The following ALOX15 variants were observed in gnomAD, a reference collection of about 807,000 sequenced individuals.
The protein encoded by ALOX15 is polyunsaturated fatty acid lipoxygenase ALOX15.
In ALOX15, 68 loss-of-function variants were observed where a neutral mutation model predicts 71.7. That is an observed-to-expected ratio of 0.95 (90% CI 0.78 to 1.16). ALOX15 has a LOEUF of 1.16. Among genes scored for constraint, ALOX15 ranks in the 50% most tolerant of loss-of-function variants. The pLI is 0.00. For missense variants in ALOX15, 798 were observed against 818.8 expected (o/e 0.97, Z 0.31); for synonymous variants, 346 against 333.3 (o/e 1.04, Z -0.42).
chr17:4,640,856 G>A (rs1459399633), intron 1 of ALOX15, among the ~76,000 whole-genome samples: 6 of 150,706 alleles, frequency 4.0e-5, no homozygotes, highest in Non-Finnish European at 7.4e-5. Context: ...CACCGGGGGA[G>A]GCAGGAGGAG....
At position 4,631,787 on chromosome 17, in the gene ALOX15, G is replaced by C; in HGVS notation, c.1810-8C>G. On this transcript the variant is annotated splice_polypyrimidine_tract_variant and splice_region_variant and intron_variant, in intron 13 of 13. Transcript: ENST00000293761. Reference sequence around the variant, plus strand: ...ATGCTGGCCCACAGCCACCTGGGAGGGAGAGGAAAAGGTGGCTGAGAGCCT... The same window carrying C: ...ATGCTGGCCCACAGCCACCTGGGAGCGAGAGGAAAAGGTGGCTGAGAGCCT... 6.2e-7 allele frequency: 1 copy of C among 1,613,808 alleles called. No individual in the cohort carries two copies. The highest frequency in any genetic ancestry group is 8.5e-7 in the Non-Finnish European group (1 of 1,179,880).
In ALOX15 at chr17:4,641,676, TC is replaced by T; in HGVS notation, c.-26del. On this transcript the variant is annotated 5_prime_UTR_variant, in exon 1 of 14. Coordinates refer to ENST00000293761, the MANE Select transcript of ALOX15 (RefSeq NM_001140.5). ...TCTTGCTCAAAGATGTTTCGCTCCT[TC>T]TGGTGGAGAAGGGTGGACGAGCTAA... 3 of 1,465,238 alleles carry T rather than the reference TC, an allele frequency of 2.0e-6. No individual in the cohort carries two copies. The South Asian group carries it at 3.5e-5, about 17-fold the overall frequency. The allele number at this position is 1,465,238 out of a possible 1,614,324, so 90.8% of individuals were successfully genotyped here. A position where few individuals can be genotyped will look rare whatever the true frequency, so the allele number is the denominator to read the frequency against.
intron 1 of ALOX15, among the ~76,000 whole-genome samples, chr17:4,640,635 TCTC>T (rs1911286277): frequency 1.0e-4 from 3 of 29,454 alleles, no homozygotes; most frequent in African/African-American, 2.5e-4. Flanking sequence ...GCGCATTTTC[TCTC>T]TTCCTGGCTC....
At position 4,641,625 on chromosome 17, in the gene ALOX15, G is replaced by A. The variant is rs1297897729; in HGVS notation, c.27C>T (p.Ser9=). The A allele has an allele frequency of 1.9e-6, 3 of 1,613,712 alleles. No individual in the cohort carries two copies. The highest frequency in any genetic ancestry group is 1.7e-6 in the Non-Finnish European group (2 of 1,180,046). The change falls in exon 1 of 14, where the codon TCC becomes TCT. Residue 9 remains serine, a synonymous_variant. Transcript: ENST00000293761. ...AACCGGCATAGAGCGAGGCCCCAGTGGACACGCGGATGCGGTAGAGACCCA... is the reference window on the plus strand; with the variant it reads ...AACCGGCATAGAGCGAGGCCCCAGTAGACACGCGGATGCGGTAGAGACCCA... MGLYRIRV[S]TGASLYAGSN...
rs1911243781 is a variant in ALOX15, at chr17:4,639,552, T to C, written c.215A>G (p.Lys72Arg). ...FVKLRKRHLL[K>R]DDAWFCNWIS... The stretch of plus-strand genomic sequence containing the variant: ...CCAGTTGCAGAACCAGGCGTCGTCC[T>C]TAAGGAGGTGCCGTTTGCGCAGTTT... The change falls in exon 2 of 14, where the codon AAG (lysine) becomes AGG (arginine). Residue 72 changes from lysine (K) to arginine (R), a missense_variant. Transcript: ENST00000293761. 3 of 1,613,976 alleles carry C rather than the reference T, an allele frequency of 1.9e-6. No homozygotes were observed. In the South Asian group the frequency reaches 3.3e-5, roughly 18 times the overall value.
At chr17:4,640,828 G>C (rs1432777826) in intron 1 of ALOX15, among the ~76,000 whole-genome samples, 2 of 150,298 alleles carry the variant, frequency 1.3e-5, no homozygotes, top group African/African-American at 2.4e-5. Context: ...GGTGAAGAGA[G>C]GAAGGAGGCG....
Position 4,638,697 on chromosome 17 carries a change from A to G in ALOX15, c.543-13T>C. The G allele has an allele frequency of 6.2e-7, 1 of 1,613,910 alleles. No individual in the cohort carries two copies. The highest frequency in any genetic ancestry group is 8.5e-7 in the Non-Finnish European group (1 of 1,179,808). ...GAGGTCGGCCAGCCTTCAGGGCAGG[A>G]TGGGGCAAAGGGTTTGAGCATCATT... On this transcript the variant is annotated splice_polypyrimidine_tract_variant and intron_variant, in intron 4 of 13. Transcript: ENST00000293761.
intron 7 of ALOX15, among the ~76,000 whole-genome samples, chr17:4,636,616 A>G (rs992618964): frequency 2.6e-5 from 4 of 151,802 alleles, no homozygotes; most frequent in Non-Finnish European, 5.9e-5. Flanking sequence ...TCCCCTCTCC[A>G]ACCCACCCTA....
chr17:4,636,750 T>C (rs932160756), intron 7 of ALOX15, among the ~76,000 whole-genome samples: 2 of 152,168 alleles, frequency 1.3e-5, no homozygotes, highest in Non-Finnish European at 2.9e-5. Flanking sequence ...AGGAATTGCC[T>C]GACTCCTCTA....
intron 13 of ALOX15, 50 bp from the exon 14 acceptor site, chr17:4,631,829 G>A (rs1245130722): frequency 6.2e-7 from 1 of 1,610,442 alleles, no homozygotes; most frequent in Non-Finnish European, 8.5e-7. Context: ...CCCCAGTCTG[G>A]GATGCCACAC....
At chr17:4,640,268 A>C (rs1260786769) in intron 1 of ALOX15, among the ~76,000 whole-genome samples, 1 of 128,326 alleles carries the variant, frequency 7.8e-6, no homozygotes, top group African/African-American at 3.1e-5. Context: ...CGAATGTGTT[A>C]AGCAGGGGGA....
In ALOX15 at chr17:4,631,352, T is replaced by A; in HGVS notation, c.*248A>T. On this transcript the variant is annotated 3_prime_UTR_variant, in exon 14 of 14. Transcript: ENST00000293761. ...TGGCTATTTGCCATATAGATCTGAA[T>A]GAAGAAAGAGGAAGAGAGAGAGGAA... 1.9e-6 allele frequency: 1 copy of A among 539,126 alleles called. No homozygotes were observed. The highest frequency in any genetic ancestry group is 2.8e-5 in the South Asian group (1 of 35,882). The allele number at this position is 539,126 out of a possible 1,614,324, so 33.4% of individuals were successfully genotyped here. A position where few individuals can be genotyped will look rare whatever the true frequency, so the allele number is the denominator to read the frequency against.
intron 7 of ALOX15, 116 bp downstream of exon 7, chr17:4,636,999 C>T (rs951178100): frequency 9.4e-6 from 12 of 1,270,970 alleles, no homozygotes; most frequent in African/African-American, 4.5e-5. Context: ...CCTCCTTTCG[C>T]GTCTCCCAGG....
intron 7 of ALOX15, among the ~76,000 whole-genome samples, chr17:4,636,634 CTGCCCACACCGCG>C (rs1325665215): frequency 1.3e-5 from 2 of 152,184 alleles, no homozygotes; most frequent in African/African-American, 4.8e-5. Flanking sequence ...CTAAACACCA[CTGCCCACACCGCG>C]TGCCCACAGC....
In ALOX15 at chr17:4,631,637, A is replaced by G; in HGVS notation, c.1952T>C (p.Leu651Pro). 1 of 1,613,860 alleles carries G rather than the reference A, an allele frequency of 6.2e-7. No homozygotes were observed. The highest frequency in any genetic ancestry group is 1.7e-5 in the Admixed American group (1 of 60,012). Residue 651 changes from leucine to proline, a missense_variant, in exon 14 of 14, where the codon CTG becomes CCG. Coordinates refer to ENST00000293761, the MANE Select transcript of ALOX15 (RefSeq NM_001140.5). ...NAKLDMPYEY[L>P]RPSVVENSVA... ...ACTGTTTTCCACCACGCTGGGCCGC[A>G]GGTACTCGTAGGGCATGTCCAGCTT...
intron 1 of ALOX15, among the ~76,000 whole-genome samples, chr17:4,640,966 G>A (rs1911302470): frequency 6.6e-6 from 1 of 151,556 alleles, no homozygotes; most frequent in South Asian, 2.1e-4. Context: ...GAGAGAGCTA[G>A]AGCAGTGATG....
chr17:4,632,099 G>C (rs41391948), intron 12 of ALOX15, 43 bp from the exon 13 acceptor site: 1 of 1,610,030 alleles, frequency 6.2e-7, no homozygotes. Context: ...TACCAAGCAC[G>C]CGAGCCCCGT....
Position 4,632,029 on chromosome 17 carries a change from C to T in ALOX15, c.1669G>A (p.Ala557Thr), listed in dbSNP as rs1274227525. The T allele has an allele frequency of 6.2e-7, 1 of 1,612,602 alleles. No homozygotes were observed. Among genetic ancestry groups the T allele is most frequent in the Non-Finnish European group, 8.5e-7 (1 of 1,179,358 alleles). The change falls in exon 13 of 14, where the codon GCA becomes ACA. Residue 557 changes from alanine to threonine, a missense_variant. By Grantham distance (58) the Ala-to-Thr change is moderately conservative. Coordinates refer to ENST00000293761, the MANE Select transcript of ALOX15 (RefSeq NM_001140.5). ...GGGGGCAGCCGCATCGTGCAGGGTGCATTAGGCACCCAAGAGTACCAGTCC... is the reference window on the plus strand; with the variant it reads ...GGGGGCAGCCGCATCGTGCAGGGTGTATTAGGCACCCAAGAGTACCAGTCC... ...QLDWYSWVPNAPCTMRLPPPT... is the reference protein window; with the variant it reads ...QLDWYSWVPNTPCTMRLPPPT...
At chr17:4,632,673 C>T (rs1467847529) in intron 11 of ALOX15, among the ~76,000 whole-genome samples, 188 bp downstream of exon 11, 2 of 152,168 alleles carry the variant, frequency 1.3e-5, no homozygotes, top group Admixed American at 6.5e-5. Flanking sequence ...CTGCATCTGG[C>T]ACCTAGAGGT....
Sources: gnomAD v4.1 joint callset for allele counts (sites outside exome capture counted in the v4.1 genomes callset) on GRCh38, gnomAD v4.1.1 for gene constraint, MANE v1.5 for transcripts, NCBI Gene and HGNC (gene_info 2026-07-23, HGNC 2026-07-21) for gene names.